Variants in CUBN observed in about 807,000 individuals in gnomAD.
CUBN encodes cubilin, also known as 460 kDa receptor.
CUBN carries 282 observed loss-of-function variants against 405.3 expected under a neutral mutation model. The ratio of observed to expected loss-of-function variants is 0.70; its 90% confidence interval spans 0.63 to 0.77. The LOEUF is 0.77. Ranked by LOEUF, CUBN falls within the 30% of genes least tolerant of loss-of-function variation. The pLI is 0.00. For synonymous variants in CUBN, 1,684 were observed against 1,617.0 expected, an observed-to-expected ratio of 1.04 and a Z score of -0.99; for missense variants, 4,514 against 4,475.2, an observed-to-expected ratio of 1.01 and a Z score of -0.25.
chr10:16,960,271 C>G (rs1288735897), intron 31 of CUBN, among the ~76,000 whole-genome samples: 9 of 152,216 alleles, frequency 5.9e-5, no homozygotes, highest in Admixed American at 5.9e-4. Flanking sequence ...GCAGGTGGAT[C>G]ACCTGAGGTC....
intron 31 of CUBN, among the ~76,000 whole-genome samples, chr10:16,972,862 G>T (rs544141783): frequency 6.6e-6 from 1 of 151,704 alleles, no homozygotes; most frequent in South Asian, 2.1e-4. Context: ...CTCTCCATGT[G>T]TCCCAAGACC....
intron 31 of CUBN, among the ~76,000 whole-genome samples, chr10:16,976,859 G>A (rs1026681952): frequency 2.0e-5 from 3 of 152,028 alleles, no homozygotes; most frequent in African/African-American, 7.2e-5. Context: ...AAAGCCTTCT[G>A]CTGAGGTGTT....
intron 39 of CUBN, among the ~76,000 whole-genome samples, chr10:16,935,897 G>GAA (rs1177814967): frequency 9.5e-6 from 1 of 104,810 alleles, no homozygotes; most frequent in Admixed American, 9.7e-5. Flanking sequence ...AAAAAAAAAA[G>GAA]AAAAAAAAAA....
chr10:16,936,400 G>T (rs1343697229), intron 39 of CUBN, among the ~76,000 whole-genome samples: 1 of 152,196 alleles, frequency 6.6e-6, no homozygotes, highest in African/African-American at 2.4e-5. Context: ...TTTGTATTCA[G>T]TGTCATGAAA....
At chr10:17,001,442 T>C (rs907289717) in intron 28 of CUBN, among the ~76,000 whole-genome samples, 1 of 152,174 alleles carries the variant, frequency 6.6e-6, no homozygotes, top group African/African-American at 2.4e-5. Flanking sequence ...CTGATTGGTC[T>C]GTTTTTACAG....
chr10:17,044,006 T>C, intron 25 of CUBN, 23 bp from the exon 26 acceptor site: 1 of 1,603,892 alleles, frequency 6.2e-7, no homozygotes. Context: ...ATTTTGAATG[T>C]TAGATGGTTG....
At chr10:17,046,235 T>C in intron 23 of CUBN, 141 bp from the exon 24 acceptor site, 5 of 703,676 alleles carry the variant, frequency 7.1e-6, no homozygotes, top group Non-Finnish European at 1.2e-5. Flanking sequence ...ACACTTACTC[T>C]AAAAAACACG....
intron 43 of CUBN, among the ~76,000 whole-genome samples, chr10:16,924,049 C>T (rs772596907): frequency 9.2e-5 from 14 of 151,830 alleles, no homozygotes; most frequent in African/African-American, 2.9e-4. Context: ...CTAGCCTGGG[C>T]GACAGAGAGA....
At chr10:16,927,396 T>C (rs954747428) in intron 41 of CUBN, among the ~76,000 whole-genome samples, 4 of 152,310 alleles carry the variant, frequency 2.6e-5, no homozygotes, top group Non-Finnish European at 4.4e-5. Flanking sequence ...CTTAAGCCAC[T>C]ATGCAGCCTG....
chr10:16,949,953 T>A (rs1273941666), intron 34 of CUBN, 48 bp downstream of exon 34: 1 of 1,388,932 alleles, frequency 7.2e-7, no homozygotes, highest in Non-Finnish European at 1.0e-6. Context: ...GATCTATAAA[T>A]AAAGCACAGC....
chr10:16,827,716 C>G (rs181499196), intron 66 of CUBN, among the ~76,000 whole-genome samples: 2 of 152,358 alleles, frequency 1.3e-5, no homozygotes, highest in Non-Finnish European at 2.9e-5. Flanking sequence ...ATTATTTTCC[C>G]TCAGCCTCCG....
At chr10:16,966,680 C>A (rs1432840716) in intron 31 of CUBN, among the ~76,000 whole-genome samples, 3 of 152,118 alleles carry the variant, frequency 2.0e-5, no homozygotes, top group Non-Finnish European at 4.4e-5. Context: ...AACTCTTGAC[C>A]TCAAATGATC....
intron 20 of CUBN, 122 bp downstream of exon 20, chr10:17,068,483 G>A: frequency 1.1e-6 from 1 of 952,098 alleles, no homozygotes; most frequent in African/African-American, 1.7e-5. Flanking sequence ...TACATTCTTT[G>A]TCTTTGAGTG....
chr10:17,082,436 T>C (rs1250659370), intron 17 of CUBN, among the ~76,000 whole-genome samples: 1 of 152,090 alleles, frequency 6.6e-6, no homozygotes, highest in Non-Finnish European at 1.5e-5. Context: ...TTCAGAGGAG[T>C]TCATGGAACC....
intron 14 of CUBN, among the ~76,000 whole-genome samples, chr10:17,095,705 A>C (rs1463599452): frequency 6.6e-6 from 1 of 152,108 alleles, no homozygotes; most frequent in Non-Finnish European, 1.5e-5. Flanking sequence ...AATTAAACAC[A>C]GAGCTACCAC....
chr10:16,850,524 T>G (rs1839654432), intron 60 of CUBN, among the ~76,000 whole-genome samples: 1 of 152,170 alleles, frequency 6.6e-6, no homozygotes, highest in African/African-American at 2.4e-5. Flanking sequence ...CAGGCTAGAG[T>G]GCAGTGGCGA....
chr10:17,057,263 G>A (rs746595405), intron 22 of CUBN, among the ~76,000 whole-genome samples: 3 of 152,122 alleles, frequency 2.0e-5, no homozygotes, highest in Admixed American at 6.6e-5. Context: ...GCAGCTTGGC[G>A]CAGTTGTGCA....
At chr10:16,942,233 C>T (rs1242404385) in intron 36 of CUBN, among the ~76,000 whole-genome samples, 1 of 152,156 alleles carries the variant, frequency 6.6e-6, no homozygotes, top group East Asian at 1.9e-4. Context: ...CTGACATAGC[C>T]ACTTTGAATA....
rs553363833 is a variant in CUBN, at chr10:16,918,672, C to T, written c.6950G>A (p.Arg2317Gln). 9 of 1,613,880 alleles carry T rather than the reference C, an allele frequency of 5.6e-6. No individual in the cohort carries two copies. In the Admixed American group the frequency reaches 1.2e-4, roughly 21 times the overall value. ...SSGEVMYLRF[R>Q]SDNSPTHVGF... is the part of the protein sequence containing the mutation. ...CACATGTGTGGGGCTGTTGTCAGAT[C>T]GAAATCTCAAATACATAACCTCTCC... Residue 2317 changes from arginine to glutamine, a missense_variant, in exon 45 of 67, where the codon CGA (arginine) becomes CAA (glutamine). Coordinates refer to ENST00000377833, the MANE Select transcript of CUBN (RefSeq NM_001081.4).
Sources: allele counts gnomAD v4.1 joint callset (sites outside exome capture counted in the v4.1 genomes callset), GRCh38; gene constraint gnomAD v4.1.1; transcripts MANE v1.5; gene names NCBI Gene and HGNC (gene_info 2026-07-23, HGNC 2026-07-21).